The following AK5 variants were observed in gnomAD, a reference collection of about 807,000 sequenced individuals.
The protein encoded by AK5 is adenylate kinase isoenzyme 5.
A neutral mutation model predicts 69.5 loss-of-function variants in AK5; 27 were observed. That is an observed-to-expected ratio of 0.39 (90% CI 0.29 to 0.54). The LOEUF (loss-of-function observed/expected upper bound fraction) is 0.54. AK5 is among the 20% of genes least tolerant of loss of function. The probability of loss-of-function intolerance (pLI) is 0.71; values close to 1 mark genes in which losing one functional copy is unlikely to be tolerated. For missense variants in AK5, 531 were observed against 700.4 expected (o/e 0.76, Z 2.73); for synonymous variants, 260 against 244.4 (o/e 1.06, Z -0.60).
chr1:77,317,055 G>T (rs1660280187), intron 5 of AK5, among the ~76,000 whole-genome samples: 1 of 152,202 alleles, frequency 6.6e-6, no homozygotes, highest in African/African-American at 2.4e-5. Context: ...CTGCTCAGCT[G>T]ATTGGTTTCA....
chr1:77,508,128 T>TA lies in AK5; in HGVS notation c.1148-10427dup, dbSNP rs201593269. ...TAAGTATAATGCAAGTATCCCAAAA[T>TA]AAAAAAAAATTAAAATATAAAACAC... On this transcript the variant is annotated intron_variant, in intron 10 of 13. Transcript: ENST00000354567. 3.6e-3 allele frequency among the ~76,000 whole-genome samples: 546 copies of TA among 151,802 alleles called. 3 individuals are homozygous for TA. Among genetic ancestry groups the TA allele is most frequent in the Non-Finnish European group, 5.0e-3 (341 of 67,910 alleles).
chr1:77,305,726 G>A (rs1038137985), intron 5 of AK5, among the ~76,000 whole-genome samples: 2 of 152,108 alleles, frequency 1.3e-5, no homozygotes, highest in Non-Finnish European at 2.9e-5. Flanking sequence ...CCAGTACCAC[G>A]CTGTTTTGGT....
chr1:77,475,756 G>A (rs1364608012), intron 8 of AK5, among the ~76,000 whole-genome samples: 2 of 151,592 alleles, frequency 1.3e-5, no homozygotes, highest in African/African-American at 4.8e-5. Flanking sequence ...AGTCAGATGT[G>A]ACTTTATGGC....
At chr1:77,334,863 C>T (rs1027940283) in intron 5 of AK5, among the ~76,000 whole-genome samples, 1 of 151,824 alleles carries the variant, frequency 6.6e-6, no homozygotes, top group Non-Finnish European at 1.5e-5. Context: ...CCTGGGTGGG[C>T]CCCATATATC....
intron 6 of AK5, among the ~76,000 whole-genome samples, chr1:77,389,979 CT>C (rs932291390): frequency 5.3e-5 from 8 of 152,012 alleles, no homozygotes; most frequent in African/African-American, 1.7e-4. Context: ...AAAAAAAAAT[CT>C]TTTTTAAAAA....
chr1:77,548,120 A>G (rs568888903), intron 13 of AK5, among the ~76,000 whole-genome samples: 1 of 152,362 alleles, frequency 6.6e-6, no homozygotes, highest in South Asian at 2.1e-4. Context: ...CAGTTACTTA[A>G]AACGTTTAAG....
Position 77,392,247 on chromosome 1 carries a change from T to C in AK5, c.892-18734T>C, listed in dbSNP as rs180746732. Among the ~76,000 whole-genome samples, 558 of 152,332 alleles carry C rather than the reference T, an allele frequency of 3.7e-3. 5 individuals carry two copies. Among genetic ancestry groups the C allele is most frequent in the South Asian group, 0.014 (69 of 4,822 alleles). The stretch of plus-strand genomic sequence containing the variant: ...AAAATGGATGTTAATTTTTCAGTAT[T>C]CCTCCTAAGCACAAGTTTCCAAGCC... On this transcript the variant is annotated intron_variant, in intron 6 of 13. Coordinates refer to ENST00000354567, the MANE Select transcript of AK5 (RefSeq NM_174858.3).
chr1:77,553,944 C>G (rs1027662037), intron 13 of AK5, among the ~76,000 whole-genome samples: 3 of 152,044 alleles, frequency 2.0e-5, no homozygotes, highest in Admixed American at 2.0e-4. Flanking sequence ...TTGGAACATT[C>G]GGGTTAAATG....
At chr1:77,549,769 A>C (rs1375735320) in intron 13 of AK5, among the ~76,000 whole-genome samples, 1 of 152,188 alleles carries the variant, frequency 6.6e-6, no homozygotes, top group African/African-American at 2.4e-5. Flanking sequence ...TGCAAATGAC[A>C]GGATCTCATT....
chr1:77,520,118 G>A (rs1657896531), intron 11 of AK5, among the ~76,000 whole-genome samples: 1 of 149,422 alleles, frequency 6.7e-6, no homozygotes, highest in Non-Finnish European at 1.5e-5. Flanking sequence ...CAGGGGAATT[G>A]CTTGAACCTG....
intron 8 of AK5, among the ~76,000 whole-genome samples, chr1:77,456,382 T>A (rs996858172): frequency 6.6e-6 from 1 of 152,228 alleles, no homozygotes; most frequent in Non-Finnish European, 1.5e-5. Flanking sequence ...AGGTTTCACT[T>A]GGCATCTGCC....
chr1:77,466,815 C>T (rs1654171193), intron 8 of AK5, among the ~76,000 whole-genome samples: 1 of 152,168 alleles, frequency 6.6e-6, no homozygotes, highest in Non-Finnish European at 1.5e-5. Context: ...GTGGTCCACA[C>T]CTTCTAACAT....
intron 6 of AK5, among the ~76,000 whole-genome samples, chr1:77,381,803 A>G (rs1305998181): frequency 6.6e-6 from 1 of 152,244 alleles, no homozygotes; most frequent in South Asian, 2.1e-4. Context: ...TTATAGAGAC[A>G]CTTATTTAAA....
intron 2 of AK5, among the ~76,000 whole-genome samples, chr1:77,292,866 A>G (rs1418250682): frequency 6.6e-6 from 1 of 152,130 alleles, no homozygotes; most frequent in Admixed American, 6.6e-5. Flanking sequence ...TATCAGAGAG[A>G]TACTCATTTT....
chr1:77,385,452 C>A (rs1247957369), intron 6 of AK5, among the ~76,000 whole-genome samples: 23 of 152,202 alleles, frequency 1.5e-4, no homozygotes, highest in Non-Finnish European at 2.2e-4. Flanking sequence ...AGCCACTGCG[C>A]CCGGCCAGAC....
chr1:77,493,811 A>T (rs561146312), intron 10 of AK5, among the ~76,000 whole-genome samples: 17 of 152,358 alleles, frequency 1.1e-4, no homozygotes, highest in African/African-American at 3.8e-4. Context: ...CCTCAAATGC[A>T]TTTACCAACT....
At chr1:77,476,073 T>G (rs957892589) in intron 8 of AK5, among the ~76,000 whole-genome samples, 5 of 152,146 alleles carry the variant, frequency 3.3e-5, no homozygotes, top group Non-Finnish European at 4.4e-5. Context: ...GTTAAAGCAG[T>G]TTATATAGAG....
chr1:77,411,614 C>A (rs1570525048), intron 7 of AK5, among the ~76,000 whole-genome samples: 1 of 152,152 alleles, frequency 6.6e-6, no homozygotes. Context: ...CCTGACCCCC[C>A]TCTCATTCTC....
intron 6 of AK5, among the ~76,000 whole-genome samples, chr1:77,397,409 T>C (rs1383632382): frequency 6.6e-6 from 1 of 152,164 alleles, no homozygotes; most frequent in Non-Finnish European, 1.5e-5. Flanking sequence ...CGTTGCCGTG[T>C]TTGACTGAAT....
Sources: allele counts gnomAD v4.1 joint callset (sites outside exome capture counted in the v4.1 genomes callset), GRCh38; gene constraint gnomAD v4.1.1; transcripts MANE v1.5; gene names NCBI Gene and HGNC (gene_info 2026-07-23, HGNC 2026-07-21).